FHIT: variants seen among roughly 807,000 people sequenced by gnomAD.
FHIT encodes the protein fragile histidine triad diadenosine triphosphatase, also known as bis(5'-adenosyl)-triphosphatase.
In FHIT, 19 loss-of-function variants were observed where a neutral mutation model predicts 17.9. The observed-to-expected ratio is 1.06, with a 90% CI of 0.74 to 1.56. FHIT has a LOEUF of 1.56. FHIT is among the 40% of genes most tolerant of loss of function. The pLI is 0.00. For missense variants in FHIT, 248 were observed against 189.2 expected (o/e 1.31, Z -1.82); for synonymous variants, 81 against 69.7 (o/e 1.16, Z -0.81).
Position 60,282,333 on chromosome 3 carries a change from T to C in FHIT, c.103+254527A>G, listed in dbSNP as rs1707499537. Among the ~76,000 whole-genome samples, 3 of 152,126 alleles carry C rather than the reference T, an allele frequency of 2.0e-5. No individual in the cohort carries two copies. In the South Asian group the frequency reaches 6.2e-4, roughly 32 times the overall value. Reference sequence around the variant, plus strand: ...AATTTTTTCTTTAAAAGAACTCTTATGCCATAAAAAGGTGTGGAGGCACCT... The same window carrying C: ...AATTTTTTCTTTAAAAGAACTCTTACGCCATAAAAAGGTGTGGAGGCACCT... On this transcript the variant is annotated intron_variant, in intron 5 of 9. Coordinates refer to ENST00000492590, the MANE Select transcript of FHIT (RefSeq NM_002012.4).
Position 60,147,425 on chromosome 3 carries a change from G to A in FHIT, c.104-133273C>T, listed in dbSNP as rs575842301. 1.2e-4 allele frequency among the ~76,000 whole-genome samples: 18 copies of A among 152,240 alleles called. 1 individual carries two copies. In the South Asian group the frequency reaches 2.7e-3, roughly 23 times the overall value. On this transcript the variant is annotated intron_variant, in intron 5 of 9. Transcript: ENST00000492590. Reference sequence around the variant, plus strand: ...AACCGATACATCCTGCCCTCAAACTGTGAGGCACTATAGGAGCAAGATGTA... The same window carrying A: ...AACCGATACATCCTGCCCTCAAACTATGAGGCACTATAGGAGCAAGATGTA...
chr3:59,748,396 A>G lies in FHIT; in HGVS notation c.*1189T>C, dbSNP rs1700713080. Among the ~76,000 whole-genome samples, 6 of 152,118 alleles carry G rather than the reference A, an allele frequency of 3.9e-5. No individual in the cohort carries two copies. The highest frequency in any genetic ancestry group is 3.9e-4 in the Admixed American group (6 of 15,266). ...GGTAAAGAAAAGAAAGTGGGAGGGTAGCCTAGGCAGGATTCAGCATGATCT... is the reference window on the plus strand; with the variant it reads ...GGTAAAGAAAAGAAAGTGGGAGGGTGGCCTAGGCAGGATTCAGCATGATCT... On this transcript the variant is annotated 3_prime_UTR_variant, in exon 10 of 10. Transcript: ENST00000492590.
intron 2 of FHIT, among the ~76,000 whole-genome samples, chr3:61,111,370 T>C (rs1342619621): frequency 1.3e-5 from 2 of 152,142 alleles, no homozygotes; most frequent in Non-Finnish European, 2.9e-5. Flanking sequence ...TTTTCATCTA[T>C]AAAACATTAA....
chr3:59,921,590 A>T (rs973873819), intron 8 of FHIT, among the ~76,000 whole-genome samples: 2 of 152,220 alleles, frequency 1.3e-5, no homozygotes, highest in African/African-American at 4.8e-5. Flanking sequence ...AGTGCTATCT[A>T]ATCTGCTCTA....
chr3:61,066,799 T>G (rs1380422801), intron 2 of FHIT, among the ~76,000 whole-genome samples: 1 of 152,168 alleles, frequency 6.6e-6, no homozygotes, highest in African/African-American at 2.4e-5. Flanking sequence ...GGGTAGATTA[T>G]TTGGATGGTG....
intron 5 of FHIT, among the ~76,000 whole-genome samples, chr3:60,337,210 A>G (rs899444404): frequency 1.3e-5 from 2 of 152,150 alleles, no homozygotes; most frequent in African/African-American, 4.8e-5. Context: ...TTTTTTATCG[A>G]AAGGTAGGAA....
chr3:60,657,634 G>C (rs2040149481), intron 4 of FHIT, among the ~76,000 whole-genome samples: 1 of 152,074 alleles, frequency 6.6e-6, no homozygotes, highest in Non-Finnish European at 1.5e-5. Context: ...CGTTAATCAG[G>C]CTCCTCTGAT....
At chr3:60,096,708 C>T (rs1478800197) in intron 5 of FHIT, among the ~76,000 whole-genome samples, 4 of 152,136 alleles carry the variant, frequency 2.6e-5, no homozygotes, top group Admixed American at 2.6e-4. Flanking sequence ...CTTTCCTTCT[C>T]CCCAGTTCAA....
intron 5 of FHIT, among the ~76,000 whole-genome samples, chr3:60,328,045 G>C (rs1363295438): frequency 6.6e-6 from 1 of 152,178 alleles, no homozygotes; most frequent in East Asian, 1.9e-4. Flanking sequence ...AATCAGGGAA[G>C]AAGCAAGAAA....
chr3:60,357,073 T>C (rs543870783), intron 5 of FHIT, among the ~76,000 whole-genome samples: 1 of 152,324 alleles, frequency 6.6e-6, no homozygotes, highest in South Asian at 2.1e-4. Flanking sequence ...TTTCTTTCCT[T>C]GAGATCTTCT....
intron 4 of FHIT, among the ~76,000 whole-genome samples, chr3:60,804,566 G>A (rs192980791): frequency 2.5e-3 from 375 of 152,320 alleles, no homozygotes; most frequent in African/African-American, 8.7e-3. Flanking sequence ...GTAGGAACGA[G>A]TCAATGTAAT....
chr3:60,417,035 G>A (rs958441128), intron 5 of FHIT, among the ~76,000 whole-genome samples: 3 of 151,344 alleles, frequency 2.0e-5, no homozygotes, highest in African/African-American at 7.3e-5. Context: ...CTTGCAGTGA[G>A]CCGAGATCGC....
intron 5 of FHIT, among the ~76,000 whole-genome samples, chr3:60,048,317 C>T (rs893159935): frequency 3.3e-5 from 5 of 152,128 alleles, no homozygotes; most frequent in Non-Finnish European, 5.9e-5. Context: ...GCTGGGACTA[C>T]GGACATGTGC....
chr3:60,551,041 G>A (rs558925441), intron 4 of FHIT, among the ~76,000 whole-genome samples: 2 of 152,276 alleles, frequency 1.3e-5, no homozygotes, highest in African/African-American at 2.4e-5. Flanking sequence ...GAAGTCCACT[G>A]TATGTGACTA....
At chr3:60,858,367 G>A (rs1553750517) in intron 3 of FHIT, among the ~76,000 whole-genome samples, 2 of 152,090 alleles carry the variant, frequency 1.3e-5, no homozygotes, top group African/African-American at 4.8e-5. Context: ...GCTATAACAT[G>A]GTCAAAGCAG....
intron 5 of FHIT, among the ~76,000 whole-genome samples, chr3:60,388,586 G>T (rs112888346): frequency 5.3e-5 from 8 of 152,106 alleles, no homozygotes; most frequent in African/African-American, 7.2e-5. Flanking sequence ...GGGTGATAGA[G>T]ACCCAATCTC....
At chr3:60,846,105 A>C (rs1553746364) in intron 3 of FHIT, among the ~76,000 whole-genome samples, 1 of 152,148 alleles carries the variant, frequency 6.6e-6, no homozygotes, top group African/African-American at 2.4e-5. Context: ...CTGGAATCTG[A>C]GGGCTCTGCT....
chr3:60,332,906 G>A (rs1461691283), intron 5 of FHIT, among the ~76,000 whole-genome samples: 1 of 152,186 alleles, frequency 6.6e-6, no homozygotes, highest in Non-Finnish European at 1.5e-5. Context: ...GGCCGACATT[G>A]TGTCTGCTCC....
chr3:60,731,931 T>C (rs2042038734), intron 4 of FHIT, among the ~76,000 whole-genome samples: 1 of 152,200 alleles, frequency 6.6e-6, no homozygotes, highest in African/African-American at 2.4e-5. Context: ...CAATTACACT[T>C]GATTGCATTT....
Sources: gnomAD v4.1 joint callset for allele counts (sites outside exome capture counted in the v4.1 genomes callset) on GRCh38, gnomAD v4.1.1 for gene constraint, MANE v1.5 for transcripts, NCBI Gene and HGNC (gene_info 2026-07-23, HGNC 2026-07-21) for gene names.